The following ANTXR2 variants were observed in gnomAD, a reference collection of about 807,000 sequenced individuals.
ANTXR2 encodes the protein ANTXR cell adhesion molecule 2.
Under a neutral mutation model 73.7 loss-of-function variants are expected in ANTXR2, and 44 were observed. The ratio of observed to expected loss-of-function variants is 0.60; its 90% CI spans 0.47 to 0.77. The LOEUF (loss-of-function observed/expected upper bound fraction) is 0.77. Ranked by LOEUF, ANTXR2 falls within the 30% of genes least tolerant of loss-of-function variation. The pLI is 0.00. For synonymous variants in ANTXR2, 217 were observed against 205.9 expected (o/e 1.05, Z -0.46); for missense variants, 604 against 592.5 (o/e 1.02, Z -0.20).
intron 12 of ANTXR2, among the ~76,000 whole-genome samples, chr4:79,988,696 T>G (rs1319099226): frequency 1.3e-5 from 2 of 152,124 alleles, no homozygotes; most frequent in Non-Finnish European, 2.9e-5. Context: ...ATATACATTC[T>G]TCTCATCTGC....
At chr4:80,026,260 T>C (rs1047330579) in intron 10 of ANTXR2, among the ~76,000 whole-genome samples, 1 of 152,126 alleles carries the variant, frequency 6.6e-6, no homozygotes, top group African/African-American at 2.4e-5. Flanking sequence ...GTTTTAAAAG[T>C]GGCCATTTTT....
chr4:80,072,065 G>A (rs1377542658), intron 1 of ANTXR2, among the ~76,000 whole-genome samples: 1 of 152,128 alleles, frequency 6.6e-6, no homozygotes, highest in Non-Finnish European at 1.5e-5. Context: ...GCCTGCGTAC[G>A]AGCAGGGTCG....
At chr4:80,056,120 A>G (rs1300785208) in intron 3 of ANTXR2, 107 bp from the exon 4 acceptor site, 2 of 655,208 alleles carry the variant, frequency 3.1e-6, no homozygotes, top group African/African-American at 3.8e-5. Context: ...TTCAGTAGGA[A>G]GCAGAGGAAA....
chr4:80,035,948 T>C (rs767503334), intron 8 of ANTXR2, 24 bp downstream of exon 8: 3 of 1,510,166 alleles, frequency 2.0e-6, no homozygotes, highest in Non-Finnish European at 2.7e-6. Flanking sequence ...TCTTACATGG[T>C]ATTTTTAAAT....
chr4:80,055,053 C>A (rs1425350731), intron 6 of ANTXR2, 97 bp downstream of exon 6: 1 of 1,099,846 alleles, frequency 9.1e-7, no homozygotes, highest in African/African-American at 1.6e-5. Flanking sequence ...TAACAATCGA[C>A]CAGTGTCACA....
intron 10 of ANTXR2, among the ~76,000 whole-genome samples, chr4:80,029,963 G>A (rs1372933379): frequency 2.6e-5 from 4 of 151,932 alleles, no homozygotes; most frequent in Non-Finnish European, 4.4e-5. Context: ...TTTACTCTGA[G>A]TGGGGTAAAG....
intron 11 of ANTXR2, among the ~76,000 whole-genome samples, chr4:80,016,704 G>A (rs1731889799): frequency 6.6e-6 from 1 of 152,168 alleles, no homozygotes. Flanking sequence ...TGAAACTGCT[G>A]TGCCTGATGA....
chr4:80,057,645 C>T (rs964094224), intron 3 of ANTXR2, among the ~76,000 whole-genome samples: 6 of 151,900 alleles, frequency 3.9e-5, no homozygotes, highest in African/African-American at 1.4e-4. Flanking sequence ...TCATTACACT[C>T]TTATTCTGAG....
intron 11 of ANTXR2, among the ~76,000 whole-genome samples, chr4:80,009,702 C>G (rs1172576339): frequency 6.6e-6 from 1 of 151,906 alleles, no homozygotes; most frequent in Admixed American, 6.6e-5. Flanking sequence ...CAAAAATTAG[C>G]TGGGCGTGGT....
intron 7 of ANTXR2, among the ~76,000 whole-genome samples, chr4:80,047,974 T>C (rs1403030037): frequency 1.3e-5 from 2 of 151,698 alleles, no homozygotes; most frequent in Non-Finnish European, 1.5e-5. Flanking sequence ...AATATGAGGA[T>C]GAAATCAAAT....
chr4:79,994,563 A>C (rs1173515033), intron 12 of ANTXR2, among the ~76,000 whole-genome samples: 1 of 116,716 alleles, frequency 8.6e-6, no homozygotes, highest in African/African-American at 3.2e-5. Context: ...TTCTGAGGAC[A>C]TAAATAGTAT....
chr4:80,029,582 G>A (rs940911412), intron 10 of ANTXR2, among the ~76,000 whole-genome samples: 1 of 151,852 alleles, frequency 6.6e-6, no homozygotes, highest in Non-Finnish European at 1.5e-5. Context: ...AAGACAAAAC[G>A]TGTCCTAGCA....
chr4:79,907,530 A>T (rs1395725095), intron 16 of ANTXR2, 63 bp from the exon 17 acceptor site: 2 of 1,500,470 alleles, frequency 1.3e-6, no homozygotes, highest in African/African-American at 2.8e-5. Context: ...GCATGAGAAC[A>T]TCTAGTTTTC....
intron 10 of ANTXR2, 51 bp downstream of exon 10, chr4:80,031,571 TA>T: frequency 7.8e-7 from 1 of 1,286,524 alleles, no homozygotes; most frequent in Non-Finnish European, 1.0e-6. Flanking sequence ...CACCATTTTC[TA>T]ATAATTTTTT....
At chr4:80,044,254 T>A (rs1733412999) in intron 7 of ANTXR2, among the ~76,000 whole-genome samples, 1 of 151,964 alleles carries the variant, frequency 6.6e-6, no homozygotes, top group African/African-American at 2.4e-5. Context: ...CTTAATTTCT[T>A]CTTTCTTAGA....
Position 79,977,306 on chromosome 4 carries a change from C to A in ANTXR2, c.1428+315G>T, listed in dbSNP as rs149349870. Among the ~76,000 whole-genome samples the A allele has an allele frequency of 6.4e-4, 97 of 152,342 alleles. 1 individual carries two copies. The highest frequency in any genetic ancestry group is 3.4e-3 in the Middle Eastern group (1 of 294). ...GCTAGAGAAGGACTTCAGCTACTAACTCCCAGTCTGTTGGAACATTTTGTC... is the reference window on the plus strand; with the variant it reads ...GCTAGAGAAGGACTTCAGCTACTAAATCCCAGTCTGTTGGAACATTTTGTC... On this transcript the variant is annotated intron_variant, in intron 16 of 16. Coordinates refer to ENST00000403729, the MANE Select transcript of ANTXR2 (RefSeq NM_058172.6).
In ANTXR2 at chr4:79,978,109, C is replaced by T. The variant is rs1026859350; in HGVS notation, c.1245G>A (p.Val415=). ...CCTCTGTTTCTTCAGGAATCTTCAC[C>T]ACAGCATTTTTGGCTTTCTCTAGCC... ...GARLEKAKNA[V]VKIPEETEEP... Residue 415 remains valine, a synonymous_variant, in exon 15 of 17, where the codon GTG becomes GTA. Coordinates refer to ENST00000403729, the MANE Select transcript of ANTXR2 (RefSeq NM_058172.6). 2 of 1,613,826 alleles carry T rather than the reference C, an allele frequency of 1.2e-6. No individual in the cohort carries two copies. The highest frequency in any genetic ancestry group is 1.7e-6 in the Non-Finnish European group (2 of 1,179,852).
At position 80,071,648 on chromosome 4, in the gene ANTXR2, C is replaced by A; in HGVS notation, c.159G>T (p.Gly53=). Residue 53 remains glycine (G), a synonymous_variant, in exon 2 of 17, where the codon GGG becomes GGT. Coordinates refer to ENST00000403729, the MANE Select transcript of ANTXR2 (RefSeq NM_058172.6). ...TTTCAATCCAGTTATTTGCCACACT[C>A]CCAGACCTGAAAGATGAAATTGAAC... ...FDLYFVLDKS[G]SVANNWIEIY... 2 of 1,611,268 alleles carry A rather than the reference C, an allele frequency of 1.2e-6. No homozygotes were observed. The highest frequency in any genetic ancestry group is 1.7e-6 in the Non-Finnish European group (2 of 1,177,534).
intron 6 of ANTXR2, 93 bp downstream of exon 6, chr4:80,055,057 T>C (rs1316368585): frequency 8.7e-7 from 1 of 1,147,700 alleles, no homozygotes; most frequent in Non-Finnish European, 1.3e-6. Flanking sequence ...AATCGACCAG[T>C]GTCACAATGT....
Sources: allele counts gnomAD v4.1 joint callset (sites outside exome capture counted in the v4.1 genomes callset), GRCh38; gene constraint gnomAD v4.1.1; transcripts MANE v1.5; gene names NCBI Gene and HGNC (gene_info 2026-07-23, HGNC 2026-07-21).